The following KNDC1 variants were observed in gnomAD, a reference collection of about 807,000 sequenced individuals.
KNDC1 encodes the protein kinase non-catalytic C-lobe domain-containing protein 1.
In KNDC1, 106 loss-of-function variants were observed where a neutral mutation model predicts 172.8. The observed-to-expected ratio is 0.61, with a 90% confidence interval of 0.52 to 0.72. The LOEUF is 0.72. Among genes scored for constraint, KNDC1 ranks in the 30% least tolerant of loss-of-function variants. The pLI, the probability that KNDC1 is intolerant of heterozygous loss-of-function variation, is 0.00. For missense variants in KNDC1, 2,325 were observed against 2,394.5 expected (o/e 0.97, Z 0.61); for synonymous variants, 1,083 against 1,062.2 (o/e 1.02, Z -0.38).
intron 2 of KNDC1, 107 bp downstream of exon 2, chr10:133,167,686 C>A: frequency 7.9e-7 from 1 of 1,262,702 alleles, no homozygotes; most frequent in Non-Finnish European, 1.1e-6. Context: ...GGGAGCATGC[C>A]CGGACCCGGG....
At chr10:133,185,389 ACAGTGTGGAGTAGGCAGTGTGTG>A (rs1564883532) in intron 5 of KNDC1, among the ~76,000 whole-genome samples, 149 of 45,850 alleles carry the variant, frequency 3.2e-3, no homozygotes, top group African/African-American at 7.3e-3. Flanking sequence ...GGCAGTGTGT[ACAGTGTGGAGTAGGCAGTGTGTG>A]CAGTGTGGAG....
At chr10:133,190,819 G>A (rs1267358654) in intron 9 of KNDC1, among the ~76,000 whole-genome samples, 2 of 152,214 alleles carry the variant, frequency 1.3e-5, no homozygotes, top group East Asian at 3.9e-4. Context: ...GACCTCAGGG[G>A]GTTGGTGCTG....
intron 4 of KNDC1, 53 bp from the exon 5 acceptor site, chr10:133,183,819 C>A (rs537175773): frequency 3.6e-6 from 5 of 1,375,344 alleles, no homozygotes; most frequent in Admixed American, 4.2e-5. Context: ...TGGGTGGCTG[C>A]GGGAGATGGC....
chr10:133,175,563 A>G (rs886685820), intron 3 of KNDC1, among the ~76,000 whole-genome samples: 1 of 140,256 alleles, frequency 7.1e-6, no homozygotes, highest in African/African-American at 2.6e-5. Flanking sequence ...GAGTAGATGC[A>G]TGGGTGAGTA....
chr10:133,180,944 A>G (rs1011211777), intron 3 of KNDC1, among the ~76,000 whole-genome samples: 3 of 152,252 alleles, frequency 2.0e-5, no homozygotes, highest in African/African-American at 7.2e-5. Context: ...GCGGCTGGTG[A>G]GTAAACCGGA....
In KNDC1 at chr10:133,198,579, G is replaced by A. The variant is rs1854263730; in HGVS notation, c.2071G>A (p.Asp691Asn). The change falls in exon 14 of 30, where the codon GAC (aspartate) becomes AAC (asparagine). Residue 691 changes from aspartate to asparagine, a missense_variant and splice_region_variant. By Grantham distance (23) the Asp-to-Asn change is conservative. Transcript: ENST00000304613. ...VLAQNASVAR[D>N]QPALAQEESE... ...TCCTGAGCTCTGCTCCTCCCGTAGG[G>A]ACCAGCCTGCCTTGGCCCAGGAGGA... is the stretch of plus-strand genomic sequence containing the variant. The A allele has an allele frequency of 6.3e-7, 1 of 1,587,160 alleles. No individual in the cohort carries two copies. The highest frequency in any genetic ancestry group is 8.6e-7 in the Non-Finnish European group (1 of 1,164,978).
At chr10:133,177,488 T>C (rs1237771100) in intron 3 of KNDC1, among the ~76,000 whole-genome samples, 1 of 152,124 alleles carries the variant, frequency 6.6e-6, no homozygotes, top group Non-Finnish European at 1.5e-5. Flanking sequence ...ATGCATGTAG[T>C]ATGGTGTGTG....
At chr10:133,172,158 C>T (rs1853396574) in intron 3 of KNDC1, among the ~76,000 whole-genome samples, 1 of 152,056 alleles carries the variant, frequency 6.6e-6, no homozygotes, top group Non-Finnish European at 1.5e-5. Flanking sequence ...GGGCACTGTC[C>T]CATCTCAGGG....
intron 3 of KNDC1, among the ~76,000 whole-genome samples, chr10:133,182,698 C>T (rs1853752690): frequency 6.6e-6 from 1 of 152,272 alleles, no homozygotes; most frequent in Admixed American, 6.5e-5. Flanking sequence ...CTACTGAAAT[C>T]CAGTTTTTGA....
intron 17 of KNDC1, among the ~76,000 whole-genome samples, chr10:133,206,142 G>T (rs992898960): frequency 6.6e-6 from 1 of 152,232 alleles, no homozygotes; most frequent in Non-Finnish European, 1.5e-5. Flanking sequence ...AGAGGTTGTG[G>T]TGAGCTGAGA....
intron 1 of KNDC1, among the ~76,000 whole-genome samples, chr10:133,166,617 C>T (rs1853165777): frequency 6.6e-6 from 1 of 152,036 alleles, no homozygotes; most frequent in African/African-American, 2.4e-5. Context: ...ACACCTTGCA[C>T]CAGCGTCCGA....
chr10:133,167,273 T>G, intron 1 of KNDC1, 108 bp from the exon 2 acceptor site: 1 of 1,103,026 alleles, frequency 9.1e-7, no homozygotes, highest in Non-Finnish European at 1.3e-6. Flanking sequence ...ACCCACGCGT[T>G]GAAACGCTGC....
intron 7 of KNDC1, 24 bp from the exon 8 acceptor site, chr10:133,189,574 G>C: frequency 6.2e-7 from 1 of 1,610,338 alleles, no homozygotes; most frequent in Non-Finnish European, 8.5e-7. Context: ...ATGCATACCC[G>C]CCCTGACCCA....
intron 3 of KNDC1, among the ~76,000 whole-genome samples, chr10:133,182,327 A>C (rs1224079604): frequency 2.0e-5 from 3 of 152,102 alleles, no homozygotes; most frequent in Non-Finnish European, 2.9e-5. Context: ...CAGCCAGCCC[A>C]GGACGCAGGT....
In KNDC1 at chr10:133,183,482, G is replaced by T. The variant is rs749433418; in HGVS notation, c.499G>T (p.Asp167Tyr). Residue 167 changes from aspartate to tyrosine, a missense_variant, in exon 4 of 30, where the codon GAC (aspartate) becomes TAC (tyrosine). Physicochemically the swap from Asp to Tyr is radical, Grantham distance 160. Transcript: ENST00000304613. The part of the protein sequence containing the change: ...MQAEDPGDRP[D>Y]LESIIALCEE... ...GGCGGAGGACCCCGGGGACCGGCCG[G>T]ACCTTGAGGTAAGCGAGGCTGCCCT... 20 of 1,602,260 alleles carry T rather than the reference G, an allele frequency of 1.2e-5. 1 individual carries two copies. In the South Asian group the frequency reaches 1.6e-4, roughly 13 times the overall value.
At chr10:133,179,495 G>C (rs1442752587) in intron 3 of KNDC1, 2 of 152,242 alleles carry the variant, frequency 1.3e-5, no homozygotes, top group South Asian at 2.1e-4. Flanking sequence ...GCAGAGCAGA[G>C]GAGGGGCTTC....
chr10:133,183,744 G>A (rs1253086825), intron 4 of KNDC1, 128 bp from the exon 5 acceptor site: 1 of 827,410 alleles, frequency 1.2e-6, no homozygotes, highest in Non-Finnish European at 1.9e-6. Context: ...AAATGGGCAA[G>A]GCAGGCGCAG....
intron 3 of KNDC1, among the ~76,000 whole-genome samples, chr10:133,177,483 TGTA>T (rs1378441001): frequency 3.3e-5 from 5 of 152,162 alleles, no homozygotes; most frequent in Admixed American, 1.3e-4. Context: ...TGTGCATGCA[TGTA>T]GTATGGTGTG....
rs555597996 is a variant in KNDC1 at position 133,225,069 on chromosome 10, T to C, written c.*179T>C. The C allele has an allele frequency of 3.3e-6, 2 of 603,520 alleles. No individual in the cohort carries two copies. The highest frequency in any genetic ancestry group is 3.7e-5 in the African/African-American group (2 of 53,768). 37.4% of individuals were successfully genotyped at this position (603,520 alleles called of 1,614,324 possible). The stretch of plus-strand genomic sequence containing the variant: ...CCCATGGGGACAGGCAGAGCTGGTC[T>C]CCTCCCAGCAGACGGAGCCAGGACG... On this transcript the variant is annotated 3_prime_UTR_variant, in exon 30 of 30. Coordinates refer to ENST00000304613, the MANE Select transcript of KNDC1 (RefSeq NM_152643.8).
Sources: gnomAD v4.1 joint callset for allele counts (sites outside exome capture counted in the v4.1 genomes callset) on GRCh38, gnomAD v4.1.1 for gene constraint, MANE v1.5 for transcripts, NCBI Gene and HGNC (gene_info 2026-07-23, HGNC 2026-07-21) for gene names.